UXS1: variants seen among roughly 807,000 people sequenced by gnomAD.
UXS1 encodes UDP-glucuronic acid decarboxylase 1.
UXS1 carries 33 observed loss-of-function variants against 62.6 expected under a neutral mutation model. That is an observed-to-expected ratio of 0.53 (90% CI 0.40 to 0.70). The LOEUF is 0.70. UXS1 is among the 30% of genes least tolerant of loss of function. UXS1 has a pLI of 0.00. For synonymous variants in UXS1, 213 were observed against 206.8 expected (o/e 1.03, Z -0.26); for missense variants, 434 against 556.3 (o/e 0.78, Z 2.21).
At chr2:106,140,407 A>C (rs1182579467) in intron 6 of UXS1, among the ~76,000 whole-genome samples, 3 of 152,248 alleles carry the variant, frequency 2.0e-5, no homozygotes, top group Non-Finnish European at 2.9e-5. Context: ...AAAAATTTCT[A>C]AATGATACTT....
rs1377955281 is a variant in UXS1, at chr2:106,098,881, C to T, written c.985-108G>A. Reference sequence around the variant, plus strand: ...ACGTCTACTGGCCGAGTCTGACCTCCCTGCGCTGCTTCAGCAGAGCTCCGT... The same window carrying T: ...ACGTCTACTGGCCGAGTCTGACCTCTCTGCGCTGCTTCAGCAGAGCTCCGT... On this transcript the variant is annotated intron_variant, in intron 12 of 14. Transcript: ENST00000283148. The T allele has an allele frequency of 5.2e-6, 5 of 970,778 alleles. No individual in the cohort carries two copies. The Admixed American group carries it at 8.6e-5, about 17-fold the overall frequency. The allele number at this position is 970,778 out of a possible 1,614,324, so 60.1% of individuals were successfully genotyped here.
intron 14 of UXS1, among the ~76,000 whole-genome samples, chr2:106,095,276 A>T (rs2104817230): frequency 6.6e-6 from 1 of 152,344 alleles, no homozygotes; most frequent in South Asian, 2.1e-4. Context: ...CAAAGCTTCA[A>T]AAAAACAAGA....
chr2:106,123,706 G>C (rs543309722), intron 8 of UXS1, among the ~76,000 whole-genome samples: 2 of 152,310 alleles, frequency 1.3e-5, no homozygotes, highest in African/African-American at 4.8e-5. Flanking sequence ...CATACCAGGG[G>C]AAGAGACTAT....
chr2:106,129,849 T>C (rs1573470716), intron 6 of UXS1, 71 bp from the exon 7 acceptor site: 3 of 893,612 alleles, frequency 3.4e-6, no homozygotes, highest in Non-Finnish European at 5.1e-6. Context: ...CTAGGATATA[T>C]ACTGTATAAT....
intron 11 of UXS1, chr2:106,102,693 G>A (rs1265547060): frequency 6.6e-6 from 1 of 152,108 alleles, no homozygotes; most frequent in Non-Finnish European, 1.5e-5. Context: ...TTGGGGAATG[G>A]TTAATTTAGT....
At chr2:106,098,137 G>C (rs1415007334) in intron 13 of UXS1, among the ~76,000 whole-genome samples, 1 of 152,208 alleles carries the variant, frequency 6.6e-6, no homozygotes, top group Non-Finnish European at 1.5e-5. Flanking sequence ...CACCCTCCAA[G>C]AGTCTGACTC....
chr2:106,122,406 A>C (rs2104921325), intron 9 of UXS1, among the ~76,000 whole-genome samples: 1 of 152,326 alleles, frequency 6.6e-6, no homozygotes, highest in Non-Finnish European at 1.5e-5. Flanking sequence ...GACGGCTTAA[A>C]TCTTGGAGTC....
intron 1 of UXS1, among the ~76,000 whole-genome samples, chr2:106,167,999 T>C (rs1683312642): frequency 6.6e-6 from 1 of 152,044 alleles, no homozygotes; most frequent in African/African-American, 2.4e-5. Context: ...CCATCTCTAC[T>C]AAAAATACAA....
intron 1 of UXS1, among the ~76,000 whole-genome samples, chr2:106,178,568 G>A (rs1333116887): frequency 3.3e-5 from 5 of 151,716 alleles, no homozygotes; most frequent in South Asian, 2.1e-4. Flanking sequence ...GTGTGTGTGT[G>A]TATATATATA....
intron 9 of UXS1, 120 bp downstream of exon 9, chr2:106,122,850 T>G: frequency 2.2e-6 from 3 of 1,365,130 alleles, no homozygotes; most frequent in Non-Finnish European, 3.0e-6. Context: ...GAAACTGAGC[T>G]TCCCAAACAC....
At chr2:106,125,993 A>AT (rs1392251101) in intron 7 of UXS1, among the ~76,000 whole-genome samples, 1 of 151,962 alleles carries the variant, frequency 6.6e-6, no homozygotes, top group Non-Finnish European at 1.5e-5. Context: ...ATTACCCCAT[A>AT]TTTTACTGGG....
At chr2:106,145,132 G>A in intron 6 of UXS1, 58 bp downstream of exon 6, 4 of 1,564,032 alleles carry the variant, frequency 2.6e-6, no homozygotes, top group Non-Finnish European at 2.6e-6. Flanking sequence ...GAATCCCGCA[G>A]CTCTGGCAAG....
At position 106,191,253 on chromosome 2, in the gene UXS1, ATT is replaced by A. The variant is rs1411608078; in HGVS notation, c.94+2893_94+2894del. On this transcript the variant is annotated intron_variant, in intron 1 of 14. Transcript: ENST00000283148. Reference sequence around the variant, plus strand: ...GTTCTGTTCCCGAAACAGGGAGGGCATTTCTGCAACGGAGGCTGGCTAACAGT... The same window carrying A: ...GTTCTGTTCCCGAAACAGGGAGGGCATCTGCAACGGAGGCTGGCTAACAGT... Among the ~76,000 whole-genome samples the A allele has an allele frequency of 3.3e-5, 5 of 152,206 alleles. No individual in the cohort carries two copies. The East Asian group carries it at 9.6e-4, about 29-fold the overall frequency.
At chr2:106,096,036 C>A (rs921291794) in intron 14 of UXS1, among the ~76,000 whole-genome samples, 1 of 152,240 alleles carries the variant, frequency 6.6e-6, no homozygotes, top group Non-Finnish European at 1.5e-5. Context: ...CAGTCTCGCA[C>A]GCTTCCAACC....
chr2:106,156,958 C>T (rs1682482545), intron 5 of UXS1, among the ~76,000 whole-genome samples: 1 of 152,072 alleles, frequency 6.6e-6, no homozygotes, highest in African/African-American at 2.4e-5. Context: ...ATGAACAAAA[C>T]CTGAAAACAT....
intron 1 of UXS1, among the ~76,000 whole-genome samples, chr2:106,180,253 G>A (rs555627209): frequency 1.3e-5 from 2 of 152,238 alleles, no homozygotes; most frequent in South Asian, 2.1e-4. Context: ...CCCACGGGAA[G>A]GTGAACAGGA....
chr2:106,188,729 C>G (rs1027527353), intron 1 of UXS1, among the ~76,000 whole-genome samples: 1 of 152,216 alleles, frequency 6.6e-6, no homozygotes, highest in Non-Finnish European at 1.5e-5. Context: ...AGGTTCAGCT[C>G]ACAGAAGGCA....
intron 13 of UXS1, among the ~76,000 whole-genome samples, chr2:106,098,259 G>C (rs12612312): frequency 0.21 from 31,330 of 152,250 alleles, 3,954 homozygotes; most frequent in East Asian, 0.4. Flanking sequence ...AGTCCACCTT[G>C]ATGGGGTGCT....
intron 1 of UXS1, among the ~76,000 whole-genome samples, chr2:106,192,971 G>C (rs990981651): frequency 2.0e-5 from 3 of 152,098 alleles, no homozygotes; most frequent in Non-Finnish European, 2.9e-5. Flanking sequence ...TCTTACTCAA[G>C]ATTGACCACA....
Sources: allele counts gnomAD v4.1 joint callset (sites outside exome capture counted in the v4.1 genomes callset), GRCh38; gene constraint gnomAD v4.1.1; transcripts MANE v1.5; gene names NCBI Gene and HGNC (gene_info 2026-07-23, HGNC 2026-07-21).